SMARCC1: variants seen among roughly 807,000 people sequenced by gnomAD.
SMARCC1 encodes the protein SWI/SNF complex subunit SMARCC1.
In SMARCC1, 43 loss-of-function variants were observed where a neutral mutation model predicts 147.4. The observed-to-expected ratio is 0.29, with a 90% CI of 0.23 to 0.38. The LOEUF is 0.38. Among genes scored for constraint, SMARCC1 ranks in the 10% least tolerant of loss-of-function variants. SMARCC1 has a pLI of 1.00. For missense variants in SMARCC1, 1,119 were observed against 1,381.1 expected (o/e 0.81, Z 3.01); for synonymous variants, 495 against 484.4 (o/e 1.02, Z -0.29).
intron 25 of SMARCC1, among the ~76,000 whole-genome samples, chr3:47,619,905 C>T (rs746137845): frequency 6.6e-6 from 1 of 152,188 alleles, no homozygotes; most frequent in Non-Finnish European, 1.5e-5. Context: ...GGCTACTCAT[C>T]ATGAGGAGTT....
intron 18 of SMARCC1, among the ~76,000 whole-genome samples, chr3:47,674,918 A>G (rs999133647): frequency 1.3e-5 from 2 of 152,074 alleles, no homozygotes; most frequent in African/African-American, 2.4e-5. Flanking sequence ...TTTTAATAAT[A>G]GAGACACAGT....
intron 2 of SMARCC1, among the ~76,000 whole-genome samples, chr3:47,761,556 T>A (rs80018612): frequency 3.0e-3 from 464 of 152,188 alleles, no homozygotes; most frequent in African/African-American, 0.011. Flanking sequence ...CTCAAGCTAT[T>A]CCCTCCCTGC....
intron 26 of SMARCC1, chr3:47,603,887 C>A (rs2032426577): frequency 5.5e-6 from 2 of 366,112 alleles, no homozygotes; most frequent in South Asian, 2.1e-5. Flanking sequence ...CAAGTTGGGA[C>A]ACTATAAGAG....
chr3:47,644,867 T>C (rs1164977287), intron 21 of SMARCC1, among the ~76,000 whole-genome samples: 1 of 152,178 alleles, frequency 6.6e-6, no homozygotes, highest in Non-Finnish European at 1.5e-5. Context: ...AAATAGGAAA[T>C]GAGGATGAAA....
chr3:47,778,861 G>A (rs548120295), intron 1 of SMARCC1, among the ~76,000 whole-genome samples: 1 of 151,778 alleles, frequency 6.6e-6, no homozygotes, highest in Non-Finnish European at 1.5e-5. Context: ...GGTGGTTCGT[G>A]CCTGTAGTCC....
At chr3:47,727,326 G>GT (rs1419372489) in intron 6 of SMARCC1, among the ~76,000 whole-genome samples, 1 of 151,778 alleles carries the variant, frequency 6.6e-6, no homozygotes, top group Non-Finnish European at 1.5e-5. Flanking sequence ...GGCCAAGACG[G>GT]TGAAACCCCA....
chr3:47,764,774 T>C (rs1410911645), intron 2 of SMARCC1, among the ~76,000 whole-genome samples: 1 of 152,228 alleles, frequency 6.6e-6, no homozygotes, highest in Non-Finnish European at 1.5e-5. Flanking sequence ...ATTTGTTTTA[T>C]CCACACGTAT....
chr3:47,706,338 C>G, intron 10 of SMARCC1, 71 bp downstream of exon 10: 15 of 1,378,222 alleles, frequency 1.1e-5, no homozygotes, highest in Non-Finnish European at 1.4e-5. Flanking sequence ...TCCAAAAGTG[C>G]TGGGATTATA....
chr3:47,663,018 G>A (rs2033369135), intron 19 of SMARCC1, among the ~76,000 whole-genome samples: 1 of 149,298 alleles, frequency 6.7e-6, no homozygotes, highest in African/African-American at 2.5e-5. Flanking sequence ...AGAAGTTGCA[G>A]TGAGCCGAGA....
At chr3:47,683,338 G>T (rs990223248) in intron 14 of SMARCC1, among the ~76,000 whole-genome samples, 2 of 151,890 alleles carry the variant, frequency 1.3e-5, no homozygotes, top group South Asian at 2.1e-4. Flanking sequence ...GAGCCATCGC[G>T]CCCGGCCTAT....
intron 3 of SMARCC1, among the ~76,000 whole-genome samples, chr3:47,743,936 T>A (rs1312362996): frequency 6.6e-6 from 1 of 152,050 alleles, no homozygotes; most frequent in Admixed American, 6.6e-5. Flanking sequence ...GGTTAGGACT[T>A]GTGATAAAAG....
At chr3:47,653,471 A>C (rs891336921) in intron 21 of SMARCC1, among the ~76,000 whole-genome samples, 6 of 152,158 alleles carry the variant, frequency 3.9e-5, no homozygotes, top group African/African-American at 1.4e-4. Context: ...CCATGAACCC[A>C]CCACCCAAGT....
Position 47,659,762 on chromosome 3 carries a change from G to GGA in SMARCC1, c.2320+1531_2320+1532insTC, listed in dbSNP as rs747326381. ...TAAAGTCTACTAAGAAAAAAAAAAG[G>GGA]GGGGGGGGGCAAGAATCTGAGTAGG... On this transcript the variant is annotated intron_variant, in intron 21 of 27. Transcript: ENST00000254480. 3.1e-3 allele frequency among the ~76,000 whole-genome samples: 341 copies of GGA among 110,570 alleles called. 28 individuals carry two copies. Among genetic ancestry groups the GGA allele is most frequent in the Non-Finnish European group, 4.8e-3 (249 of 51,732 alleles). The allele number at this position is 110,570 out of a possible 152,430, so 72.5% of individuals were successfully genotyped here. A position where few individuals can be genotyped will look rare whatever the true frequency, so the allele number is the denominator to read the frequency against.
chr3:47,712,301 G>GAA (rs145203560), intron 8 of SMARCC1, among the ~76,000 whole-genome samples: 1 of 147,080 alleles, frequency 6.8e-6, no homozygotes, highest in African/African-American at 2.5e-5. Flanking sequence ...AAGCTAGTTA[G>GAA]AAAAAAAAAA....
intron 10 of SMARCC1, among the ~76,000 whole-genome samples, chr3:47,705,323 C>CAAAA (rs754344034): frequency 7.7e-5 from 8 of 103,708 alleles, no homozygotes; most frequent in Non-Finnish European, 1.1e-4. Flanking sequence ...GACTCCGTCT[C>CAAAA]AAAAAAAAAA....
intron 5 of SMARCC1, among the ~76,000 whole-genome samples, chr3:47,731,310 T>C (rs183431739): frequency 6.6e-6 from 1 of 152,190 alleles, no homozygotes; most frequent in South Asian, 2.1e-4. Context: ...ATGTTCCAGC[T>C]TCACTTCAAA....
intron 19 of SMARCC1, among the ~76,000 whole-genome samples, chr3:47,668,629 A>G (rs2033454116): frequency 6.6e-6 from 1 of 152,204 alleles, no homozygotes; most frequent in African/African-American, 2.4e-5. Context: ...GCTCAAGAAT[A>G]CGATAAATAT....
chr3:47,710,935 T>A (rs1487324054), intron 8 of SMARCC1, 127 bp from the exon 9 acceptor site: 5 of 608,386 alleles, frequency 8.2e-6, no homozygotes, highest in Non-Finnish European at 1.1e-5. Flanking sequence ...AATAATGTGA[T>A]ACTACTAATG....
intron 4 of SMARCC1, 71 bp downstream of exon 4, chr3:47,737,958 T>G (rs2034464161): frequency 8.7e-7 from 1 of 1,145,640 alleles, no homozygotes; most frequent in African/African-American, 1.6e-5. Flanking sequence ...CCACCGCGCC[T>G]GGCCAGCCAA....
Sources: allele counts gnomAD v4.1 joint callset (sites outside exome capture counted in the v4.1 genomes callset), GRCh38; gene constraint gnomAD v4.1.1; transcripts MANE v1.5; gene names NCBI Gene and HGNC (gene_info 2026-07-23, HGNC 2026-07-21).